The following MAGI2 variants were observed in gnomAD, a reference collection of about 807,000 sequenced individuals.
MAGI2 encodes the protein membrane-associated guanylate kinase, WW and PDZ domain-containing protein 2.
MAGI2 carries 35 observed loss-of-function variants against 133.3 expected under a neutral mutation model. The observed-to-expected ratio is 0.26, with a 90% CI of 0.20 to 0.35. The LOEUF is 0.35. Ranked by LOEUF, MAGI2 falls within the 10% of genes least tolerant of loss-of-function variation. The pLI is 1.00. For missense variants in MAGI2, 1,636 were observed against 1,863.4 expected (o/e 0.88, Z 2.25); for synonymous variants, 729 against 710.6 (o/e 1.03, Z -0.41).
intron 3 of MAGI2, among the ~76,000 whole-genome samples, chr7:78,580,498 A>C (rs1007299127): frequency 3.3e-5 from 5 of 152,238 alleles, no homozygotes; most frequent in Non-Finnish European, 5.9e-5. Flanking sequence ...CTGGTGAGGC[A>C]GAAGAAGAAT....
At chr7:78,641,323 G>C (rs1810283239) in intron 2 of MAGI2, among the ~76,000 whole-genome samples, 1 of 152,088 alleles carries the variant, frequency 6.6e-6, no homozygotes, top group Non-Finnish European at 1.5e-5. Flanking sequence ...TTGGATTAGA[G>C]TTCAGCAAAT....
At chr7:78,814,279 T>G (rs900832096) in intron 2 of MAGI2, among the ~76,000 whole-genome samples, 1 of 152,162 alleles carries the variant, frequency 6.6e-6, no homozygotes, top group Non-Finnish European at 1.5e-5. Context: ...TCATCAACAT[T>G]GTAAATTATA....
At chr7:79,239,956 C>A (rs1563033653) in intron 1 of MAGI2, among the ~76,000 whole-genome samples, 1 of 152,154 alleles carries the variant, frequency 6.6e-6, no homozygotes, top group Non-Finnish European at 1.5e-5. Context: ...CTAGAGAAAA[C>A]CCCTGCGTTT....
chr7:78,774,312 G>A (rs1825814182), intron 2 of MAGI2, among the ~76,000 whole-genome samples: 2 of 152,258 alleles, frequency 1.3e-5, no homozygotes, highest in South Asian at 2.1e-4. Flanking sequence ...ATATTTGGGT[G>A]AAACAACAGA....
chr7:78,767,305 C>T (rs1825130589), intron 2 of MAGI2, among the ~76,000 whole-genome samples: 2 of 152,126 alleles, frequency 1.3e-5, no homozygotes, highest in Non-Finnish European at 1.5e-5. Context: ...AAAGTTCTAA[C>T]CTTTGTTAAG....
intron 3 of MAGI2, among the ~76,000 whole-genome samples, chr7:78,605,959 G>A (rs1805767504): frequency 6.6e-6 from 1 of 152,258 alleles, no homozygotes. Context: ...ACTCGTTGGC[G>A]ACCTCTGAAA....
intron 9 of MAGI2, among the ~76,000 whole-genome samples, chr7:78,257,427 A>C (rs1428209400): frequency 6.6e-6 from 1 of 152,134 alleles, no homozygotes; most frequent in African/African-American, 2.4e-5. Context: ...ATCTTAGATA[A>C]ACTAATATTT....
At chr7:78,550,579 A>G (rs527857084) in intron 3 of MAGI2, among the ~76,000 whole-genome samples, 1 of 152,342 alleles carries the variant, frequency 6.6e-6, no homozygotes, top group South Asian at 2.1e-4. Flanking sequence ...TGGAATACTG[A>G]CACTCCAGAT....
chr7:78,709,691 G>A (rs370607555), intron 2 of MAGI2, among the ~76,000 whole-genome samples: 3 of 152,250 alleles, frequency 2.0e-5, no homozygotes, highest in East Asian at 1.9e-4. Flanking sequence ...CTTGCCATCC[G>A]GCAGAATTTA....
intron 3 of MAGI2, among the ~76,000 whole-genome samples, chr7:78,552,184 TTTTTTTTTTTTTTTTTGAGACAGAG>T (rs1254395066): frequency 6.9e-6 from 1 of 145,036 alleles, no homozygotes; most frequent in Non-Finnish European, 1.5e-5. Context: ...TCCTTTTTTT[TTTTTTTTTTTTTTTTTGAGACAGAG>T]TTTAACTCTT....
intron 20 of MAGI2, among the ~76,000 whole-genome samples, chr7:78,095,733 G>A (rs1817635712): frequency 6.6e-6 from 1 of 152,132 alleles, no homozygotes; most frequent in South Asian, 2.1e-4. Flanking sequence ...GTTATCCCAA[G>A]CTCCCAACAG....
At chr7:78,106,558 G>A (rs1818713091) in intron 20 of MAGI2, among the ~76,000 whole-genome samples, 1 of 152,092 alleles carries the variant, frequency 6.6e-6, no homozygotes. Context: ...TTTAACTGGG[G>A]TGAGATGATA....
chr7:79,018,323 A>T (rs974700933), intron 1 of MAGI2, among the ~76,000 whole-genome samples: 11 of 152,136 alleles, frequency 7.2e-5, no homozygotes, highest in African/African-American at 2.7e-4. Flanking sequence ...GGAGAAATAA[A>T]ATCCTTTTCA....
chr7:78,407,841 G>T (rs2151369062), intron 6 of MAGI2, among the ~76,000 whole-genome samples: 1 of 151,154 alleles, frequency 6.6e-6, no homozygotes, highest in South Asian at 2.1e-4. Context: ...AATCACAGGA[G>T]CTTCAGGGCT....
At chr7:79,003,379 C>T (rs930665832) in intron 2 of MAGI2, among the ~76,000 whole-genome samples, 1 of 152,140 alleles carries the variant, frequency 6.6e-6, no homozygotes, top group African/African-American at 2.4e-5. Context: ...TTTATTTACT[C>T]TTATATAGTT....
intron 9 of MAGI2, among the ~76,000 whole-genome samples, chr7:78,342,420 A>G (rs1228820352): frequency 6.6e-6 from 1 of 152,200 alleles, no homozygotes; most frequent in Non-Finnish European, 1.5e-5. Context: ...AAGGATCTAG[A>G]ACCAGAATTA....
intron 1 of MAGI2, among the ~76,000 whole-genome samples, chr7:79,268,107 C>G (rs1208059768): frequency 6.6e-6 from 1 of 152,100 alleles, no homozygotes; most frequent in African/African-American, 2.4e-5. Context: ...ACTTCAGAGA[C>G]AGAGGAGTTC....
At chr7:78,849,191 G>C (rs1184765582) in intron 2 of MAGI2, among the ~76,000 whole-genome samples, 5 of 152,034 alleles carry the variant, frequency 3.3e-5, no homozygotes, top group African/African-American at 1.2e-4. Flanking sequence ...ACATGGACTT[G>C]ACTTTTTAGA....
chr7:78,397,645 AG>A (rs1175607501), intron 6 of MAGI2, among the ~76,000 whole-genome samples: 1 of 152,176 alleles, frequency 6.6e-6, no homozygotes, highest in Non-Finnish European at 1.5e-5. Flanking sequence ...AACCTGAGTT[AG>A]GGCTCAGAAA....
Sources: allele counts gnomAD v4.1 joint callset (sites outside exome capture counted in the v4.1 genomes callset), GRCh38; gene constraint gnomAD v4.1.1; transcripts MANE v1.5; gene names NCBI Gene and HGNC (gene_info 2026-07-23, HGNC 2026-07-21).